The following SH3PXD2A variants were observed in gnomAD, a reference collection of about 807,000 sequenced individuals.
SH3PXD2A encodes SH3 and PX domains 2A.
A neutral mutation model predicts 115.2 loss-of-function variants in SH3PXD2A; 32 were observed. The observed-to-expected ratio is 0.28, with a 90% CI of 0.21 to 0.37. SH3PXD2A has a LOEUF of 0.37. Among genes scored for constraint, SH3PXD2A ranks in the 10% least tolerant of loss-of-function variants. The probability of loss-of-function intolerance (pLI) is 1.00; values close to 1 mark genes in which losing one functional copy is unlikely to be tolerated. For synonymous variants in SH3PXD2A, 610 were observed against 629.1 expected (o/e 0.97, Z 0.45); for missense variants, 1,328 against 1,498.7 (o/e 0.89, Z 1.88).
At chr10:103,616,740 G>A (rs936721591) in intron 11 of SH3PXD2A, among the ~76,000 whole-genome samples, 1 of 132,032 alleles carries the variant, frequency 7.6e-6, no homozygotes, top group Admixed American at 7.4e-5. Context: ...ACCCGCCCCC[G>A]CCCCCAGCCC....
At chr10:103,732,846 C>T (rs889414583) in intron 4 of SH3PXD2A, among the ~76,000 whole-genome samples, 5 of 152,154 alleles carry the variant, frequency 3.3e-5, no homozygotes, top group Admixed American at 1.3e-4. Flanking sequence ...AAGGTCTGGC[C>T]GTGGAGCGGA....
At chr10:103,845,451 C>G (rs955239545) in intron 1 of SH3PXD2A, among the ~76,000 whole-genome samples, 17 of 152,114 alleles carry the variant, frequency 1.1e-4, no homozygotes, top group Admixed American at 1.3e-4. Flanking sequence ...TCTGGTCATC[C>G]TGACTGCTAT....
intron 10 of SH3PXD2A, among the ~76,000 whole-genome samples, chr10:103,618,348 C>G (rs2036551602): frequency 6.6e-6 from 1 of 152,192 alleles, no homozygotes; most frequent in African/African-American, 2.4e-5. Flanking sequence ...TTCAGCTTTC[C>G]CTGTCCCAGG....
intron 2 of SH3PXD2A, among the ~76,000 whole-genome samples, chr10:103,769,173 T>TGCGCGC (rs1294417647): frequency 1.5e-4 from 16 of 104,486 alleles, no homozygotes; most frequent in African/African-American, 6.7e-4. Flanking sequence ...TGTGTGTGTG[T>TGCGCGC]GTGTGTGTGC....
chr10:103,599,847 A>AAACT lies in SH3PXD2A; in HGVS notation c.*1965_*1968dup, dbSNP rs1236158741. The AAACT allele has an allele frequency of 1.3e-5, 2 of 152,666 alleles. No homozygotes were observed. Among genetic ancestry groups the AAACT allele is most frequent in the Non-Finnish European group, 2.9e-5 (2 of 68,046 alleles). 9.5% of individuals were successfully genotyped at this position (152,666 alleles called of 1,614,324 possible). A position where few individuals can be genotyped will look rare whatever the true frequency, so the allele number is the denominator to read the frequency against. Reference sequence around the variant, plus strand: ...AAAATAACTAATTTCAATTTTAAACAAACTCACAAAACAAAAGGAAACAAA... The same window carrying AAACT: ...AAAATAACTAATTTCAATTTTAAACAAACTAACTCACAAAACAAAAGGAAACAAA... On this transcript the variant is annotated 3_prime_UTR_variant, in exon 15 of 15. Transcript: ENST00000369774.
chr10:103,670,601 T>TA (rs1409260372), intron 6 of SH3PXD2A, among the ~76,000 whole-genome samples: 12 of 152,164 alleles, frequency 7.9e-5, no homozygotes, highest in Admixed American at 7.9e-4. Context: ...GGCACCCTGT[T>TA]AGAGATACTG....
In SH3PXD2A at chr10:103,618,473, G is replaced by A. The variant is rs1270306716; in HGVS notation, c.803-1159C>T. ...CACTCCGTAGAGGGCTGCTCAGAGT[G>A]GAACACTCCCCACCTCACCTTCTGG... On this transcript the variant is annotated intron_variant, in intron 10 of 14. Coordinates refer to ENST00000369774, the MANE Select transcript of SH3PXD2A (RefSeq NM_001394015.1). Among the ~76,000 whole-genome samples the A allele has an allele frequency of 2.0e-5, 3 of 152,180 alleles. No homozygotes were observed. The East Asian group carries it at 5.8e-4, about 29-fold the overall frequency.
intron 1 of SH3PXD2A, among the ~76,000 whole-genome samples, chr10:103,851,680 T>G (rs985594059): frequency 2.0e-5 from 3 of 152,190 alleles, no homozygotes; most frequent in African/African-American, 7.2e-5. Context: ...TAGGGTACAT[T>G]CAATGACCTG....
chr10:103,777,851 C>T (rs2038895043), intron 2 of SH3PXD2A, among the ~76,000 whole-genome samples: 1 of 152,150 alleles, frequency 6.6e-6, no homozygotes, highest in South Asian at 2.1e-4. Flanking sequence ...GTAACCACAG[C>T]CTTATCTGTG....
chr10:103,624,731 T>C (rs2036664938), intron 9 of SH3PXD2A, among the ~76,000 whole-genome samples: 1 of 152,210 alleles, frequency 6.6e-6, no homozygotes, highest in Non-Finnish European at 1.5e-5. Context: ...GGGATGGCCA[T>C]AGCGCTGGGG....
At chr10:103,817,513 G>A (rs2039336803) in intron 1 of SH3PXD2A, among the ~76,000 whole-genome samples, 1 of 152,090 alleles carries the variant, frequency 6.6e-6, no homozygotes, top group Admixed American at 6.5e-5. Context: ...GCTAATTTTT[G>A]TATTTTTAGT....
chr10:103,808,174 G>C (rs1162774162), intron 1 of SH3PXD2A, among the ~76,000 whole-genome samples: 1 of 152,024 alleles, frequency 6.6e-6, no homozygotes, highest in Non-Finnish European at 1.5e-5. Flanking sequence ...CCGGCCCAGA[G>C]CCCCATCTCC....
At chr10:103,836,583 C>T (rs2039543442) in intron 1 of SH3PXD2A, among the ~76,000 whole-genome samples, 1 of 151,722 alleles carries the variant, frequency 6.6e-6, no homozygotes, top group African/African-American at 2.4e-5. Context: ...ACACATCCAA[C>T]ACACACAGTC....
chr10:103,770,768 G>T (rs2038809036), intron 2 of SH3PXD2A, among the ~76,000 whole-genome samples: 1 of 152,090 alleles, frequency 6.6e-6, no homozygotes, highest in African/African-American at 2.4e-5. Context: ...CCTGGTGGTG[G>T]GATATTGCTG....
intron 1 of SH3PXD2A, among the ~76,000 whole-genome samples, chr10:103,831,192 T>C (rs2039479668): frequency 6.6e-6 from 1 of 152,252 alleles, no homozygotes; most frequent in African/African-American, 2.4e-5. Flanking sequence ...ATATTCTACT[T>C]CTTGTTTTTT....
chr10:103,833,953 C>G (rs779886081), intron 1 of SH3PXD2A, among the ~76,000 whole-genome samples: 9 of 152,202 alleles, frequency 5.9e-5, no homozygotes, highest in Non-Finnish European at 1.0e-4. Context: ...TCCCCTCCCC[C>G]TCCCGGAAAG....
Position 103,602,482 on chromosome 10 carries a change from C to T in SH3PXD2A, c.2736G>A (p.Val912=), listed in dbSNP as rs200434956. The change falls in exon 15 of 15, where the codon GTG becomes GTA. Residue 912 remains valine, a synonymous_variant. Transcript: ENST00000369774. ...PDPSGKELDT[V]PAKGRQNEGK... ...CTTCGTTCTGCCTGCCCTTGGCGGGCACTGTGTCCAGCTCTTTGCCAGAGG... is the reference window on the plus strand; with the variant it reads ...CTTCGTTCTGCCTGCCCTTGGCGGGTACTGTGTCCAGCTCTTTGCCAGAGG... 2 of 1,614,160 alleles carry T rather than the reference C, an allele frequency of 1.2e-6. No homozygotes were observed. Among genetic ancestry groups the T allele is most frequent in the East Asian group, 4.5e-5 (2 of 44,868 alleles).
intron 8 of SH3PXD2A, among the ~76,000 whole-genome samples, chr10:103,640,277 T>A (rs2036934497): frequency 6.6e-6 from 1 of 151,478 alleles, no homozygotes; most frequent in Non-Finnish European, 1.5e-5. Flanking sequence ...ATCGCACCAC[T>A]GCACTGTAGC....
Position 103,601,756 on chromosome 10 carries a change from C to T in SH3PXD2A, c.*60G>A. ...TTTCCTTTCCCTTTTGTTCGTCTCA[C>T]CGCTCATCCAGTGGGCGGCCAGAGA... On this transcript the variant is annotated 3_prime_UTR_variant, in exon 15 of 15. Transcript: ENST00000369774. 1.5e-6 allele frequency: 1 copy of T among 677,574 alleles called. No individual in the cohort carries two copies. The highest frequency in any genetic ancestry group is 2.1e-6 in the Non-Finnish European group (1 of 485,316). 42.0% of individuals were successfully genotyped at this position (677,574 alleles called of 1,614,324 possible).
Sources: allele counts gnomAD v4.1 joint callset (sites outside exome capture counted in the v4.1 genomes callset), GRCh38; gene constraint gnomAD v4.1.1; transcripts MANE v1.5; gene names NCBI Gene and HGNC (gene_info 2026-07-23, HGNC 2026-07-21).